The following MARCHF1 variants were observed in gnomAD, a reference collection of about 807,000 sequenced individuals.
MARCHF1 encodes E3 ubiquitin-protein ligase MARCHF1.
Under a neutral mutation model 54.2 loss-of-function variants are expected in MARCHF1, and 40 were observed. The ratio of observed to expected loss-of-function variants is 0.74; its 90% CI spans 0.57 to 0.96. MARCHF1 has a LOEUF of 0.96. Among genes scored for constraint, MARCHF1 ranks in the 40% least tolerant of loss-of-function variants. The pLI is 0.00. For synonymous variants in MARCHF1, 236 were observed against 236.3 expected (o/e 1.00, Z 0.01); for missense variants, 586 against 656.5 (o/e 0.89, Z 1.17).
At chr4:164,294,131 T>G (rs1579696162) in intron 1 of MARCHF1, among the ~76,000 whole-genome samples, 1 of 152,210 alleles carries the variant, frequency 6.6e-6, no homozygotes, top group East Asian at 1.9e-4. Flanking sequence ...ACTCTTGGAC[T>G]TACACACCAG....
At chr4:163,843,842 T>C (rs891132308) in intron 4 of MARCHF1, among the ~76,000 whole-genome samples, 1 of 152,044 alleles carries the variant, frequency 6.6e-6, no homozygotes, top group South Asian at 2.1e-4. Flanking sequence ...AGATGGTATG[T>C]CATTGTGGTT....
intron 2 of MARCHF1, among the ~76,000 whole-genome samples, chr4:164,111,078 A>G (rs1260261211): frequency 6.6e-6 from 1 of 151,840 alleles, no homozygotes. Flanking sequence ...GTTATATCCT[A>G]ATATATCAAA....
intron 4 of MARCHF1, among the ~76,000 whole-genome samples, chr4:163,737,249 G>T (rs1255784429): frequency 1.7e-5 from 1 of 60,590 alleles, no homozygotes; most frequent in Non-Finnish European, 5.1e-5. Flanking sequence ...AAGTTTTAGG[G>T]TACATGTGCA....
chr4:163,827,465 C>T (rs576120472), intron 4 of MARCHF1, among the ~76,000 whole-genome samples: 12 of 152,180 alleles, frequency 7.9e-5, no homozygotes, highest in African/African-American at 1.4e-4. Flanking sequence ...TTTTATTTGA[C>T]ATAAGATATA....
At chr4:164,215,024 C>G (rs1023695) in intron 1 of MARCHF1, among the ~76,000 whole-genome samples, 149,971 of 152,312 alleles carry the variant, frequency 0.98, 73,842 homozygotes, top group Middle Eastern at 1. Context: ...CAGTGGGCAT[C>G]TGTTACAGGC....
chr4:164,308,370 CAAAG>C (rs1458429074), intron 1 of MARCHF1, among the ~76,000 whole-genome samples: 4 of 152,024 alleles, frequency 2.6e-5, no homozygotes, highest in Non-Finnish European at 5.9e-5. Context: ...GATTTTAGGA[CAAAG>C]AAATCATTAA....
intron 2 of MARCHF1, among the ~76,000 whole-genome samples, chr4:164,023,471 T>G (rs1204797710): frequency 2.0e-5 from 3 of 152,100 alleles, no homozygotes; most frequent in Non-Finnish European, 4.4e-5. Context: ...GCTAAAAATA[T>G]TCTGCCAATA....
At chr4:163,881,609 G>T (rs1750417952) in intron 3 of MARCHF1, among the ~76,000 whole-genome samples, 1 of 152,110 alleles carries the variant, frequency 6.6e-6, no homozygotes, top group Non-Finnish European at 1.5e-5. Context: ...ATAATTGAAT[G>T]TATAATAGTG....
chr4:163,754,657 C>A (rs565813844), intron 4 of MARCHF1, among the ~76,000 whole-genome samples: 1 of 152,188 alleles, frequency 6.6e-6, no homozygotes, highest in East Asian at 1.9e-4. Context: ...AATCCAAGAC[C>A]ACGCTAAGCC....
intron 4 of MARCHF1, among the ~76,000 whole-genome samples, chr4:163,715,349 C>T (rs1745225441): frequency 6.6e-6 from 1 of 152,078 alleles, no homozygotes; most frequent in South Asian, 2.1e-4. Context: ...GGGTTCACGC[C>T]ATTCATCTGC....
chr4:163,944,428 C>A (rs1751985920), intron 3 of MARCHF1, among the ~76,000 whole-genome samples: 1 of 152,178 alleles, frequency 6.6e-6, no homozygotes, highest in Non-Finnish European at 1.5e-5. Flanking sequence ...GGGAAGTCCA[C>A]AACCAGTGAC....
intron 5 of MARCHF1, among the ~76,000 whole-genome samples, chr4:163,653,934 CT>C (rs1743055156): frequency 6.6e-6 from 1 of 151,454 alleles, no homozygotes; most frequent in Non-Finnish European, 1.5e-5. Context: ...ATATGATAAC[CT>C]AGGAATTGAG....
At chr4:163,792,715 T>C (rs894240763) in intron 4 of MARCHF1, among the ~76,000 whole-genome samples, 5 of 152,160 alleles carry the variant, frequency 3.3e-5, no homozygotes, top group African/African-American at 1.2e-4. Flanking sequence ...GAAATTAGAA[T>C]TAAACGTTAA....
chr4:163,558,177 G>C (rs1739351931), intron 8 of MARCHF1, among the ~76,000 whole-genome samples: 2 of 152,136 alleles, frequency 1.3e-5, no homozygotes, highest in Admixed American at 1.3e-4. Flanking sequence ...CAGATGATGA[G>C]GACCCCCGAT....
At chr4:163,637,345 C>T (rs530214736) in intron 5 of MARCHF1, among the ~76,000 whole-genome samples, 1 of 152,176 alleles carries the variant, frequency 6.6e-6, no homozygotes, top group African/African-American at 2.4e-5. Context: ...GCAACCTACT[C>T]ATCTGACAAA....
At chr4:164,188,575 G>T in intron 1 of MARCHF1, 1 of 791,222 alleles carries the variant, frequency 1.3e-6, no homozygotes, top group Non-Finnish European at 2.3e-6. Flanking sequence ...GGTCCTATGT[G>T]CCCTTCACTC....
chr4:164,078,749 A>T (rs1237571483), intron 2 of MARCHF1, among the ~76,000 whole-genome samples: 11 of 152,156 alleles, frequency 7.2e-5, no homozygotes, highest in Admixed American at 7.2e-4. Context: ...TTATTAAGAG[A>T]TGTGTTTGAT....
At chr4:163,949,719 G>A (rs1003641498) in intron 3 of MARCHF1, among the ~76,000 whole-genome samples, 1 of 151,948 alleles carries the variant, frequency 6.6e-6, no homozygotes, top group African/African-American at 2.4e-5. Flanking sequence ...GAGACCCACA[G>A]TGGGTAGCTC....
intron 2 of MARCHF1, among the ~76,000 whole-genome samples, chr4:164,049,282 A>C (rs965002308): frequency 1.3e-5 from 2 of 152,152 alleles, no homozygotes; most frequent in Non-Finnish European, 2.9e-5. Flanking sequence ...TATCATGAGA[A>C]CAGCATGGGG....
Sources: gnomAD v4.1 joint callset for allele counts (sites outside exome capture counted in the v4.1 genomes callset) on GRCh38, gnomAD v4.1.1 for gene constraint, MANE v1.5 for transcripts, NCBI Gene and HGNC (gene_info 2026-07-23, HGNC 2026-07-21) for gene names.